Variants in NBAS observed in about 807,000 individuals in gnomAD.
The protein encoded by NBAS is NBAS subunit of NRZ tethering complex.
Under a neutral mutation model 302.5 loss-of-function variants are expected in NBAS, and 219 were observed. The ratio of observed to expected loss-of-function variants is 0.72; its 90% CI spans 0.65 to 0.81. The LOEUF is 0.81. NBAS is among the 30% of genes least tolerant of loss of function. NBAS has a pLI of 0.00. For missense variants in NBAS, 2,932 were observed against 2,841.6 expected, an observed-to-expected ratio of 1.03 and a Z score of -0.72; for synonymous variants, 1,118 against 1,021.6, an observed-to-expected ratio of 1.09 and a Z score of -1.80.
chr2:15,334,237 T>C (rs189858693), intron 35 of NBAS, among the ~76,000 whole-genome samples: 1 of 151,832 alleles, frequency 6.6e-6, no homozygotes, highest in Admixed American at 6.6e-5. Context: ...TCACCCAGGT[T>C]GGAGTGCAGT....
At chr2:15,260,844 T>A (rs1342886621) in intron 44 of NBAS, among the ~76,000 whole-genome samples, 3 of 152,140 alleles carry the variant, frequency 2.0e-5, no homozygotes, top group Non-Finnish European at 4.4e-5. Context: ...TATTTGCATA[T>A]ACTGAAAGCA....
chr2:15,168,699 G>A (rs895543268), intron 51 of NBAS, among the ~76,000 whole-genome samples: 4 of 152,124 alleles, frequency 2.6e-5, no homozygotes, highest in Admixed American at 1.3e-4. Flanking sequence ...GTGCAATCTC[G>A]GCTCACTGCA....
At chr2:15,520,638 CAAAA>C (rs553524283) in intron 9 of NBAS, among the ~76,000 whole-genome samples, 1 of 149,806 alleles carries the variant, frequency 6.7e-6, no homozygotes, top group Non-Finnish European at 1.5e-5. Context: ...ATATGTAAAA[CAAAA>C]AAAAGTGTGG....
At chr2:14,807,849 A>T in the NBAS span, among the ~76,000 whole-genome samples, 2 of 152,202 alleles carry the variant, frequency 1.3e-5, no homozygotes, top group South Asian at 2.1e-4. Flanking sequence ...GAGATAATTC[A>T]TACAAGCATT....
chr2:15,145,988 A>G, the NBAS span, among the ~76,000 whole-genome samples: 1 of 152,164 alleles, frequency 6.6e-6, no homozygotes. Flanking sequence ...TTGGAAAAAT[A>G]TCTATTGAGT....
chr2:15,028,140 A>G, the NBAS span, among the ~76,000 whole-genome samples: 1,039 of 152,332 alleles, frequency 6.8e-3, 12 homozygotes, highest in African/African-American at 0.024. Flanking sequence ...TTAAAGGTCT[A>G]TCATTGAGAA....
the NBAS span, among the ~76,000 whole-genome samples, chr2:15,076,738 T>C: frequency 1.3e-5 from 2 of 151,064 alleles, no homozygotes; most frequent in East Asian, 1.9e-4. Context: ...GCCAGTACAA[T>C]ACTGATGTTC....
intron 45 of NBAS, among the ~76,000 whole-genome samples, chr2:15,235,348 TC>T (rs1667546237): frequency 6.6e-6 from 1 of 152,164 alleles, no homozygotes; most frequent in African/African-American, 2.4e-5. Context: ...AAAAGTCTAT[TC>T]CCCTGCCCTA....
chr2:14,975,745 C>T, the NBAS span, among the ~76,000 whole-genome samples: 3 of 152,186 alleles, frequency 2.0e-5, no homozygotes, highest in African/African-American at 7.2e-5. Context: ...GATGGATTAC[C>T]TTCCAGTGTC....
chr2:15,149,892 C>A, the NBAS span, among the ~76,000 whole-genome samples: 1 of 151,902 alleles, frequency 6.6e-6, no homozygotes, highest in Non-Finnish European at 1.5e-5. Flanking sequence ...CTTGGAACAT[C>A]TCAAAAGACT....
chr2:15,427,563 G>A (rs1677540736), intron 22 of NBAS, 148 bp downstream of exon 22: 1 of 679,224 alleles, frequency 1.5e-6, no homozygotes, highest in Non-Finnish European at 2.6e-6. Context: ...ACATAACTGA[G>A]TCAAAGGAGT....
the NBAS span, among the ~76,000 whole-genome samples, chr2:14,791,885 G>A: frequency 6.6e-6 from 1 of 151,828 alleles, no homozygotes; most frequent in South Asian, 2.1e-4. Flanking sequence ...TGAAAAACAG[G>A]CCTAGTCTCA....
At chr2:15,443,987 C>T (rs1196331036) in intron 21 of NBAS, among the ~76,000 whole-genome samples, 2 of 151,598 alleles carry the variant, frequency 1.3e-5, no homozygotes, top group African/African-American at 2.4e-5. Flanking sequence ...CAAACCACTG[C>T]TCAATGAAAT....
At chr2:15,405,029 T>C (rs1336461087) in intron 25 of NBAS, among the ~76,000 whole-genome samples, 2 of 152,198 alleles carry the variant, frequency 1.3e-5, no homozygotes, top group Non-Finnish European at 2.9e-5. Flanking sequence ...TGCATTTACC[T>C]AAACATGATA....
the NBAS span, among the ~76,000 whole-genome samples, chr2:15,149,446 G>C: frequency 2.6e-5 from 4 of 152,144 alleles, no homozygotes; most frequent in Non-Finnish European, 5.9e-5. Context: ...AGTAACCTCT[G>C]ATCCTATTTT....
chr2:14,957,278 CGTGTGT>C, the NBAS span, among the ~76,000 whole-genome samples: 359 of 147,558 alleles, frequency 2.4e-3, no homozygotes, highest in Middle Eastern at 0.021. Context: ...TATACATATA[CGTGTGT>C]GTGTGTGTGT....
intron 50 of NBAS, 24 bp downstream of exon 50, chr2:15,186,718 A>G: frequency 6.2e-7 from 1 of 1,613,688 alleles, no homozygotes; most frequent in Non-Finnish European, 8.5e-7. Context: ...ACTCCTTAGG[A>G]AAGCACTCAA....
chr2:15,485,281 G>T (rs933980595), intron 12 of NBAS, among the ~76,000 whole-genome samples: 1 of 151,402 alleles, frequency 6.6e-6, no homozygotes. Flanking sequence ...AAGAATCAAT[G>T]TAAAAAATTA....
chr2:14,846,474 G>T, the NBAS span, among the ~76,000 whole-genome samples: 3 of 146,142 alleles, frequency 2.1e-5, no homozygotes, highest in Non-Finnish European at 4.5e-5. Flanking sequence ...TGAACAATAA[G>T]AAATCAACTG....
Sources: allele counts gnomAD v4.1 joint callset (sites outside exome capture counted in the v4.1 genomes callset), GRCh38; gene constraint gnomAD v4.1.1; transcripts MANE v1.5; gene names NCBI Gene and HGNC (gene_info 2026-07-23, HGNC 2026-07-21).